KIF24: variants seen among roughly 807,000 people sequenced by gnomAD.
KIF24 encodes kinesin-like protein KIF24.
In KIF24, 81 loss-of-function variants were observed where a neutral mutation model predicts 118.9. The ratio of observed to expected loss-of-function variants is 0.68; its 90% CI spans 0.57 to 0.82. The LOEUF is 0.82. Among genes scored for constraint, KIF24 ranks in the 40% least tolerant of loss-of-function variants. The pLI is 0.00. For synonymous variants in KIF24, 599 were observed against 610.0 expected (o/e 0.98, Z 0.27); for missense variants, 1,560 against 1,661.6 (o/e 0.94, Z 1.06).
chr9:34,316,147 C>G (rs940801265), intron 1 of KIF24, among the ~76,000 whole-genome samples: 1 of 151,446 alleles, frequency 6.6e-6, no homozygotes, highest in African/African-American at 2.4e-5. Context: ...GTCAGGAGAT[C>G]GAGACCATCC....
intron 1 of KIF24, among the ~76,000 whole-genome samples, chr9:34,314,070 C>T (rs1055751013): frequency 1.2e-4 from 18 of 151,758 alleles, no homozygotes; most frequent in African/African-American, 3.9e-4. Flanking sequence ...TATGCTTCTG[C>T]GTACCACATT....
chr9:34,318,925 C>T lies in KIF24; in HGVS notation c.-25-7554G>A, dbSNP rs147645377. On this transcript the variant is annotated intron_variant, in intron 1 of 12. Coordinates refer to ENST00000402558, the MANE Select transcript of KIF24 (RefSeq NM_194313.4). This position sits in a 1 kb window ranked among gnomAD's most constrained non-coding sequence, Gnocchi z 4.9. Reference sequence around the variant, plus strand: ...AGCGCAGTGCGCTGCAGTCCATCCACGAGTGGGCCGTGCAGACCACCGACG... The same window carrying T: ...AGCGCAGTGCGCTGCAGTCCATCCATGAGTGGGCCGTGCAGACCACCGACG... 10,228 of 1,564,752 alleles carry T rather than the reference C, an allele frequency of 6.5e-3. 37 individuals carry two copies. Among genetic ancestry groups the T allele is most frequent in the Middle Eastern group, 9.0e-3 (54 of 5,998 alleles).
rs1834902719 is a variant in KIF24 at position 34,257,579 on chromosome 9, G to C, written c.2028C>G (p.Gly676=). The change falls in exon 11 of 13, where the codon GGC becomes GGG. Residue 676 remains glycine, a synonymous_variant. Transcript: ENST00000402558. ...APLCSEKNRM[G]NKTVLGWESR... ...TTTCCCACCCAAGGACAGTTTTGTTGCCCATTCGATTTTTCTCAGAGCACA... is the reference window on the plus strand; with the variant it reads ...TTTCCCACCCAAGGACAGTTTTGTTCCCCATTCGATTTTTCTCAGAGCACA... 1 of 1,613,948 alleles carries C rather than the reference G, an allele frequency of 6.2e-7. No individual in the cohort carries two copies. The highest frequency in any genetic ancestry group is 1.3e-5 in the African/African-American group (1 of 74,942).
chr9:34,267,643 A>G (rs999024996), intron 8 of KIF24, among the ~76,000 whole-genome samples: 1 of 152,218 alleles, frequency 6.6e-6, no homozygotes, highest in African/African-American at 2.4e-5. Context: ...AATATATCCA[A>G]AATATTATTT....
intron 8 of KIF24, among the ~76,000 whole-genome samples, chr9:34,265,001 A>G (rs1301160917): frequency 6.6e-6 from 1 of 152,194 alleles, no homozygotes; most frequent in East Asian, 1.9e-4. Context: ...AGAGTATGTT[A>G]GCATTTTTTC....
chr9:34,255,879 T>C lies in KIF24; in HGVS notation c.3728A>G (p.Lys1243Arg). Residue 1243 changes from lysine (K) to arginine (R), a missense_variant, in exon 11 of 13, where the codon AAG becomes AGG. Physicochemically the swap from Lys to Arg is conservative, Grantham distance 26. Coordinates refer to ENST00000402558, the MANE Select transcript of KIF24 (RefSeq NM_194313.4). Reference sequence around the variant, plus strand: ...GACATTTTCACTGTTGCAGGGCAACTTGATGGGGTCTGTGGACAAACCAAA... The same window carrying C: ...GACATTTTCACTGTTGCAGGGCAACCTGATGGGGTCTGTGGACAAACCAAA... The part of the protein sequence containing the change: ...QEFGLSTDPI[K>R]LPCNSENVTW... 6.2e-7 allele frequency: 1 copy of C among 1,614,024 alleles called. No individual in the cohort carries two copies. The highest frequency in any genetic ancestry group is 8.5e-7 in the Non-Finnish European group (1 of 1,179,888).
At position 34,257,327 on chromosome 9, in the gene KIF24, C is replaced by T; in HGVS notation, c.2280G>A (p.Arg760=). ...GGTGATAGAAACGCAGATGTTCCTC[C>T]CTCTCCTTCTGATGTGGCGGGATGT... is the stretch of plus-strand genomic sequence containing the variant. ...WTNIPPHQKE[R]EEHLRFYHQQ... Residue 760 remains arginine, a synonymous_variant, in exon 11 of 13, where the codon AGG becomes AGA. Coordinates refer to ENST00000402558, the MANE Select transcript of KIF24 (RefSeq NM_194313.4). 6.2e-7 allele frequency: 1 copy of T among 1,614,028 alleles called. No homozygotes were observed.
At position 34,255,738 on chromosome 9, in the gene KIF24, G is replaced by A. The variant is rs1416985619; in HGVS notation, c.3869C>T (p.Ala1290Val). Residue 1290 changes from alanine to valine, a missense_variant, in exon 11 of 13, where the codon GCG (alanine) becomes GTG (valine). Ala to Val is a moderately conservative substitution (Grantham distance 64). This residue lies in a region of KIF24 where 591 missense variants were observed against 655.6 expected (regional missense o/e 0.90). Transcript: ENST00000402558. ...TTAGGGAAAGTGTCCAACTTACTGC[G>A]CTTGCTCCAGGGTGGGCTGACGGAG... ...GTLRQPTLEQ[A>V]QQVVIRAHQE... is the part of the protein sequence containing the mutation. 13 of 1,607,764 alleles carry A rather than the reference G, an allele frequency of 8.1e-6. No individual in the cohort carries two copies. The highest frequency in any genetic ancestry group is 2.2e-5 in the East Asian group (1 of 44,834).
upstream of KIF24, chr9:34,329,509 T>C (rs1587983851): frequency 2.6e-5 from 4 of 152,374 alleles, no homozygotes; most frequent in East Asian, 1.9e-4. Flanking sequence ...CCGAATTCTA[T>C]TGATGGGCCC....
intron 2 of KIF24, among the ~76,000 whole-genome samples, chr9:34,308,402 G>C (rs1415138748): frequency 5.3e-5 from 8 of 151,658 alleles, no homozygotes; most frequent in Admixed American, 1.3e-4. Flanking sequence ...TCCTACCTCA[G>C]CCTCTAGAAT....
intron 4 of KIF24, among the ~76,000 whole-genome samples, chr9:34,296,071 T>G (rs1456538345): frequency 6.8e-6 from 1 of 147,050 alleles, no homozygotes; most frequent in Non-Finnish European, 1.5e-5. Flanking sequence ...TACAAAAAAT[T>G]AGCCAGGCAT....
intron 9 of KIF24, among the ~76,000 whole-genome samples, chr9:34,260,992 G>A (rs1835034117): frequency 6.6e-6 from 1 of 150,910 alleles, no homozygotes; most frequent in South Asian, 2.1e-4. Context: ...AAATAAATAA[G>A]TAAAAAGCAA....
At position 34,259,620 on chromosome 9, in the gene KIF24, A is replaced by G. The variant is rs761480803; in HGVS notation, c.1601T>C (p.Leu534Pro). The change falls in exon 10 of 13, where the codon CTC becomes CCC. Residue 534 changes from leucine (L) to proline (P), a missense_variant. Coordinates refer to ENST00000402558, the MANE Select transcript of KIF24 (RefSeq NM_194313.4). ...CCGGTCAGCATAGCGCAAGGTGTTG[A>G]GAGTGTGTTCAGTGGCCACGTGGCT... ...SPSHVATEHT[L>P]NTLRYADRVK... 6.2e-7 allele frequency: 1 copy of G among 1,613,928 alleles called. No individual in the cohort carries two copies.
chr9:34,310,837 T>C lies in KIF24; in HGVS notation c.510A>G (p.Ser170=). The C allele has an allele frequency of 6.2e-7, 1 of 1,613,828 alleles. No homozygotes were observed. Among genetic ancestry groups the C allele is most frequent in the Non-Finnish European group, 8.5e-7 (1 of 1,179,826 alleles). The change falls in exon 2 of 13, where the codon TCA becomes TCG. Residue 170 remains serine, a synonymous_variant. Coordinates refer to ENST00000402558, the MANE Select transcript of KIF24 (RefSeq NM_194313.4). ...DSYVQTEIST[S]LFSPNYLSAI... ...CAGAAAGGTAATTTGGTGAAAAGAG[T>C]GAAGTGCTGATTTCTGTTTGCACAT...
At chr9:34,330,523 C>G (rs986472228), upstream of KIF24, among the ~76,000 whole-genome samples, 6 of 152,076 alleles carry the variant, frequency 3.9e-5, no homozygotes, top group African/African-American at 1.4e-4. Context: ...ACATTTGAGT[C>G]ACTTACCCAG....
chr9:34,305,357 C>T (rs1163910663), intron 3 of KIF24, among the ~76,000 whole-genome samples: 1 of 152,096 alleles, frequency 6.6e-6, no homozygotes, highest in East Asian at 1.9e-4. Flanking sequence ...TGCTCAGAGC[C>T]CAATTTTCGC....
Position 34,310,756 on chromosome 9 carries a change from C to A in KIF24, c.591G>T (p.Gly197=). Residue 197 remains glycine (G), a synonymous_variant, in exon 2 of 13, where the codon GGG becomes GGT. Coordinates refer to ENST00000402558, the MANE Select transcript of KIF24 (RefSeq NM_194313.4). The part of the protein sequence containing the change: ...PIIQRISHVS[G]YNYGIPHSCI... ...AAGAATGAGGGATTCCATAGTTATA[C>A]CCTGAAACATGAGAGATTCTTTGAA... The A allele has an allele frequency of 6.2e-7, 1 of 1,609,366 alleles. No homozygotes were observed. The highest frequency in any genetic ancestry group is 8.5e-7 in the Non-Finnish European group (1 of 1,177,394).
At position 34,293,538 on chromosome 9, in the gene KIF24, G is replaced by A. The variant is rs185577393; in HGVS notation, c.912-3149C>T. ...GCCTGTAATCCCAGCACTTTGGGAG[G>A]CCGAGGCAGGTGAATCATGAGGTCA... is the stretch of plus-strand genomic sequence containing the variant. On this transcript the variant is annotated intron_variant, in intron 4 of 12. Coordinates refer to ENST00000402558, the MANE Select transcript of KIF24 (RefSeq NM_194313.4). Among the ~76,000 whole-genome samples the A allele has an allele frequency of 3.4e-3, 516 of 150,804 alleles. 5 individuals are homozygous for A. Among genetic ancestry groups the A allele is most frequent in the African/African-American group, 0.012 (497 of 41,174 alleles).
At chr9:34,263,276 C>T in intron 8 of KIF24, 104 bp from the exon 9 acceptor site, 4 of 788,412 alleles carry the variant, frequency 5.1e-6, no homozygotes, top group Non-Finnish European at 8.8e-6. Flanking sequence ...ATAAACCACA[C>T]TCAGACAATC....
Sources: allele counts gnomAD v4.1 joint callset (sites outside exome capture counted in the v4.1 genomes callset), GRCh38; gene constraint gnomAD v4.1.1; regional missense constraint gnomAD v4.1.1; non-coding constraint Gnocchi (gnomAD v3.1); transcripts MANE v1.5; gene names NCBI Gene and HGNC (gene_info 2026-07-23, HGNC 2026-07-21).